The following DOK7 variants were observed in gnomAD, a reference collection of about 807,000 sequenced individuals.
DOK7 encodes the protein protein Dok-7.
DOK7 carries 32 observed loss-of-function variants against 30.7 expected under a neutral mutation model. That is an observed-to-expected ratio of 1.04 (90% CI 0.79 to 1.40). The LOEUF is 1.40. Among genes scored for constraint, DOK7 ranks in the 40% most tolerant of loss-of-function variants. The pLI is 0.00. For missense variants in DOK7, 1,007 were observed against 699.2 expected (o/e 1.44, Z -4.97); for synonymous variants, 447 against 324.1 (o/e 1.38, Z -4.07).
At chr4:3,490,145 T>TTCTTCACC (rs1728147732) in intron 6 of DOK7, among the ~76,000 whole-genome samples, 3 of 103,274 alleles carry the variant, frequency 2.9e-5, no homozygotes, top group Admixed American at 2.3e-4. Flanking sequence ...ATTCATTCCT[T>TTCTTCACC]CCTTCCCCAC....
chr4:3,472,990 C>T (rs565135123), intron 2 of DOK7, among the ~76,000 whole-genome samples: 7 of 152,290 alleles, frequency 4.6e-5, no homozygotes, highest in South Asian at 2.1e-4. Context: ...AGGATAGGAG[C>T]GGACTGGCAG....
At chr4:3,482,407 C>T (rs767807762) in intron 4 of DOK7, among the ~76,000 whole-genome samples, 4 of 152,246 alleles carry the variant, frequency 2.6e-5, no homozygotes, top group Non-Finnish European at 5.9e-5. Context: ...CAGTTTCCCT[C>T]CAGGAACCTC....
In DOK7 at chr4:3,465,905, C is replaced by T. The variant is rs571419092; in HGVS notation, c.100+2354C>T. Among the ~76,000 whole-genome samples the T allele has an allele frequency of 3.3e-5, 5 of 152,336 alleles. No individual in the cohort carries two copies. The East Asian group carries it at 9.7e-4, about 29-fold the overall frequency. On this transcript the variant is annotated intron_variant, in intron 2 of 6. Coordinates refer to ENST00000340083, the MANE Select transcript of DOK7 (RefSeq NM_173660.5). The stretch of plus-strand genomic sequence containing the variant: ...GGCCCTGCATGCCAGCGGCGCCTGG[C>T]CCAGCCCCTCTCTTCTTCCTCCCAG...
intron 5 of DOK7, among the ~76,000 whole-genome samples, chr4:3,487,160 C>T (rs1232635198): frequency 6.6e-6 from 1 of 152,206 alleles, no homozygotes; most frequent in Non-Finnish European, 1.5e-5. Context: ...GTTGTCAGGG[C>T]CTCGGCCTGC....
chr4:3,463,617 A>G lies in DOK7; in HGVS notation c.100+66A>G, dbSNP rs139051035. ...GACACGGGTTACCGAGGCCCGGGGC[A>G]GTAATGCCAGCTTGCCCAAAATCGC... On this transcript the variant is annotated intron_variant, in intron 2 of 6. Coordinates refer to ENST00000340083, the MANE Select transcript of DOK7 (RefSeq NM_173660.5). 0.053 allele frequency: 79,496 copies of G among 1,512,140 alleles called. 4,196 individuals carry two copies. Among genetic ancestry groups the G allele is most frequent in the African/African-American group, 0.27 (19,601 of 71,902 alleles). The allele number at this position is 1,512,140 out of a possible 1,614,324, so 93.7% of individuals were successfully genotyped here. A position where few individuals can be genotyped will look rare whatever the true frequency, so the allele number is the denominator to read the frequency against.
chr4:3,491,954 C>G (rs552072636), intron 6 of DOK7, among the ~76,000 whole-genome samples: 1 of 152,384 alleles, frequency 6.6e-6, no homozygotes, highest in East Asian at 1.9e-4. Context: ...GCTTGTCCCC[C>G]AGAGGGCACC....
At chr4:3,467,514 G>A (rs1339877991) in intron 2 of DOK7, among the ~76,000 whole-genome samples, 12 of 125,394 alleles carry the variant, frequency 9.6e-5, no homozygotes, top group South Asian at 2.4e-4. Context: ...TGGATTCCTC[G>A]TTTCCCTGTG....
At chr4:3,494,520 T>G (rs1560236903), downstream of DOK7, 2 of 985,616 alleles carry the variant, frequency 2.0e-6, no homozygotes, top group East Asian at 1.1e-4. Context: ...CCTCTCCGCC[T>G]CCTCGCCCAC....
intron 2 of DOK7, among the ~76,000 whole-genome samples, chr4:3,467,666 G>A (rs910981821): frequency 5.9e-5 from 9 of 152,194 alleles, no homozygotes; most frequent in African/African-American, 2.2e-4. Flanking sequence ...AAGAGTGAAT[G>A]TGTGAGTGTG....
intron 5 of DOK7, among the ~76,000 whole-genome samples, chr4:3,486,929 G>A (rs1727840475): frequency 6.6e-6 from 1 of 152,126 alleles, no homozygotes; most frequent in South Asian, 2.1e-4. Context: ...AGTTCCCGGG[G>A]AGCAGAGGGA....
At chr4:3,490,715 C>T (rs1473445401) in intron 6 of DOK7, among the ~76,000 whole-genome samples, 2 of 94,772 alleles carry the variant, frequency 2.1e-5, no homozygotes, top group African/African-American at 4.4e-5. Flanking sequence ...TGCATTCCTT[C>T]ATTTCCCCCC....
chr4:3,484,530 C>T, intron 4 of DOK7: 1 of 985,516 alleles, frequency 1.0e-6, no homozygotes, highest in Non-Finnish European at 1.2e-6. Context: ...CGGGTGCAGC[C>T]AGCCCAGTGG....
rs572051709 is a variant in DOK7, at chr4:3,493,960, G to C, written c.*459G>C. The C allele has an allele frequency of 1.7e-4, 171 of 999,664 alleles. 1 individual carries two copies. In the African/African-American group the frequency reaches 2.8e-3, roughly 16 times the overall value. 61.9% of individuals were successfully genotyped at this position (999,664 alleles called of 1,614,324 possible). On this transcript the variant is annotated 3_prime_UTR_variant, in exon 7 of 7. Coordinates refer to ENST00000340083, the MANE Select transcript of DOK7 (RefSeq NM_173660.5). ...ACCTGTTAAGCATCAAGCTACCACA[G>C]AGGCTCCGGCCACCTGGGCTCCACC...
At position 3,488,543 on chromosome 4, in the gene DOK7, C is replaced by T. The variant is rs531281679; in HGVS notation, c.653-1134C>T. On this transcript the variant is annotated intron_variant, in intron 5 of 6. Transcript: ENST00000340083. ...AGCCTCCGCCAGGCTGGGTTCTGTC[C>T]GCTGAGGCTCTGATCTAGGTGTCCC... Among the ~76,000 whole-genome samples, 553 of 152,336 alleles carry T rather than the reference C, an allele frequency of 3.6e-3. 12 individuals carry two copies. The highest frequency in any genetic ancestry group is 5.5e-3 in the Non-Finnish European group (373 of 68,032).
Position 3,493,605 on chromosome 4 carries a change from G to A in DOK7, c.*104G>A. The A allele has an allele frequency of 6.6e-7, 1 of 1,523,622 alleles. No individual in the cohort carries two copies. The highest frequency in any genetic ancestry group is 1.2e-5 in the South Asian group (1 of 80,542). 94.4% of individuals were successfully genotyped at this position (1,523,622 alleles called of 1,614,324 possible). ...TGCAGACTGGTGCTCTGTGTTCTGT[G>A]GGAGGGACCGGGGGTCTCCCGGAGA... On this transcript the variant is annotated 3_prime_UTR_variant, in exon 7 of 7. Transcript: ENST00000340083.
intron 3 of DOK7, among the ~76,000 whole-genome samples, chr4:3,474,419 C>A (rs1560210837): frequency 6.6e-6 from 1 of 152,176 alleles, no homozygotes. Flanking sequence ...GTGGCTCATA[C>A]CTGTAATTCC....
chr4:3,481,098 A>T (rs370754817), intron 4 of DOK7, among the ~76,000 whole-genome samples: 1 of 150,884 alleles, frequency 6.6e-6, no homozygotes, highest in Non-Finnish European at 1.5e-5. Context: ...GTTGGGGGGG[A>T]TAGGAGGCGT....
rs1474771028 is a variant in DOK7 at position 3,494,110 on chromosome 4, A to C, written c.*609A>C. The C allele has an allele frequency of 1.0e-6, 1 of 985,758 alleles. No homozygotes were observed. Among genetic ancestry groups the C allele is most frequent in the Non-Finnish European group, 1.2e-6 (1 of 830,284 alleles). The allele number at this position is 985,758 out of a possible 1,614,324, so 61.1% of individuals were successfully genotyped here. On this transcript the variant is annotated 3_prime_UTR_variant, in exon 7 of 7. Transcript: ENST00000340083. ...TCTGGGCCCCACTGTTCCCCAGTGA[A>C]GCCCTTGTGGGAAGGTTCCGGGAGC... is the stretch of plus-strand genomic sequence containing the variant.
chr4:3,473,593 C>T lies in DOK7; in HGVS notation c.288C>T (p.Ala96=), dbSNP rs890259305. Reference sequence around the variant, plus strand: ...TGCTGGGCTTTGACAGCCACGAGGCCATGTGTGCGTGGGATGCCCGGATCC... The same window carrying T: ...TGCTGGGCTTTGACAGCCACGAGGCTATGTGTGCGTGGGATGCCCGGATCC... ...AIMLGFDSHE[A]MCAWDARIRY... Residue 96 remains alanine, a synonymous_variant, in exon 3 of 7, where the codon GCC becomes GCT. Transcript: ENST00000340083. 3.1e-6 allele frequency: 5 copies of T among 1,606,324 alleles called. No homozygotes were observed. In the African/African-American group the frequency reaches 5.3e-5, roughly 17 times the overall value.
Sources: gnomAD v4.1 joint callset for allele counts (sites outside exome capture counted in the v4.1 genomes callset) on GRCh38, gnomAD v4.1.1 for gene constraint, MANE v1.5 for transcripts, NCBI Gene and HGNC (gene_info 2026-07-23, HGNC 2026-07-21) for gene names.